PCDH9: variants seen among roughly 807,000 people sequenced by gnomAD.
PCDH9 encodes the protein protocadherin 9.
In PCDH9, 24 loss-of-function variants were observed where a neutral mutation model predicts 70.6. The observed-to-expected ratio is 0.34, with a 90% CI of 0.25 to 0.48. The LOEUF is 0.48. PCDH9 is among the 20% of genes least tolerant of loss of function. The probability of loss-of-function intolerance (pLI) is 0.99; values close to 1 mark genes in which losing one functional copy is unlikely to be tolerated. For missense variants in PCDH9, 1,281 were observed against 1,503.6 expected (o/e 0.85, Z 2.45); for synonymous variants, 562 against 558.5 (o/e 1.01, Z -0.09).
chr13:66,904,853 AAAAT>A (rs1414932207), intron 2 of PCDH9, among the ~76,000 whole-genome samples: 1 of 152,024 alleles, frequency 6.6e-6, no homozygotes, highest in African/African-American at 2.4e-5. Context: ...TTATTTGTTT[AAAAT>A]AAATAGCTAT....
chr13:67,112,129 T>C (rs1468033168), intron 2 of PCDH9, among the ~76,000 whole-genome samples: 3 of 152,222 alleles, frequency 2.0e-5, no homozygotes, highest in African/African-American at 4.8e-5. Context: ...AGGCTCCAAC[T>C]TTCACATGTG....
At chr13:66,709,487 C>A (rs529759929) in intron 3 of PCDH9, among the ~76,000 whole-genome samples, 6 of 152,240 alleles carry the variant, frequency 3.9e-5, no homozygotes, top group South Asian at 2.1e-4. Flanking sequence ...AGCCAAATTT[C>A]ATTTCAAGCC....
intron 4 of PCDH9, among the ~76,000 whole-genome samples, chr13:66,404,062 C>T (rs1957235591): frequency 6.6e-6 from 1 of 152,098 alleles, no homozygotes; most frequent in Non-Finnish European, 1.5e-5. Context: ...TGGCAGTGCT[C>T]ATGGGTACGT....
intron 4 of PCDH9, among the ~76,000 whole-genome samples, chr13:66,587,844 A>C (rs2138804801): frequency 6.6e-6 from 1 of 152,272 alleles, no homozygotes; most frequent in East Asian, 1.9e-4. Context: ...TCATGAAACA[A>C]ACTTTCAAAC....
chr13:66,923,278 A>G (rs2082666162), intron 2 of PCDH9, among the ~76,000 whole-genome samples: 1 of 151,624 alleles, frequency 6.6e-6, no homozygotes, highest in African/African-American at 2.4e-5. Context: ...ATAGCTAATT[A>G]TATGCACCAA....
intron 4 of PCDH9, among the ~76,000 whole-genome samples, chr13:66,578,828 C>T (rs925271957): frequency 6.6e-6 from 1 of 152,028 alleles, no homozygotes; most frequent in African/African-American, 2.4e-5. Flanking sequence ...TTTTGGGAGC[C>T]AACTGAGTTC....
intron 2 of PCDH9, among the ~76,000 whole-genome samples, chr13:67,028,585 T>TA (rs1215094920): frequency 6.6e-6 from 1 of 150,860 alleles, no homozygotes; most frequent in African/African-American, 2.4e-5. Context: ...AAAATAAAAA[T>TA]AAAAAAATAA....
chr13:66,925,741 T>C (rs1329776738), intron 2 of PCDH9, among the ~76,000 whole-genome samples: 1 of 152,008 alleles, frequency 6.6e-6, no homozygotes, highest in Admixed American at 6.6e-5. Context: ...AATATAATAA[T>C]ATGTAATAAA....
At chr13:66,344,241 C>A (rs1956178147) in intron 4 of PCDH9, among the ~76,000 whole-genome samples, 1 of 152,094 alleles carries the variant, frequency 6.6e-6, no homozygotes, top group Admixed American at 6.5e-5. Context: ...CTCCCAGGTT[C>A]AAGTGATTCT....
intron 3 of PCDH9, among the ~76,000 whole-genome samples, chr13:66,853,039 A>G (rs995688677): frequency 2.0e-5 from 3 of 152,016 alleles, no homozygotes; most frequent in African/African-American, 7.2e-5. Context: ...ACAGCACTAA[A>G]TACTCTAATT....
At chr13:66,355,303 CGCATACTGG>C in intron 4 of PCDH9, among the ~76,000 whole-genome samples, 1 of 151,950 alleles carries the variant, frequency 6.6e-6, no homozygotes, top group African/African-American at 2.4e-5. Flanking sequence ...CACAGACATG[CGCATACTGG>C]GTGCAACAGA....
intron 3 of PCDH9, among the ~76,000 whole-genome samples, chr13:66,696,783 CTTT>C (rs34598874): frequency 0.48 from 60,206 of 126,090 alleles, 15,527 homozygotes; most frequent in Admixed American, 0.64. Context: ...TTCAGGCAAA[CTTT>C]TTTTTTTTTT....
At chr13:66,342,072 C>G (rs1158934776) in intron 4 of PCDH9, among the ~76,000 whole-genome samples, 1 of 152,150 alleles carries the variant, frequency 6.6e-6, no homozygotes, top group South Asian at 2.1e-4. Flanking sequence ...AGAAACTTGA[C>G]ATCATTATTT....
chr13:66,782,570 A>C lies in PCDH9; in HGVS notation c.3138+120934T>G, dbSNP rs886546250. 45 of 152,312 alleles carry C rather than the reference A, an allele frequency of 3.0e-4. 1 individual carries two copies. The highest frequency in any genetic ancestry group is 1.0e-3 in the African/African-American group (43 of 41,580). The allele number at this position is 152,312 out of a possible 1,614,324, so 9.4% of individuals were successfully genotyped here. On this transcript the variant is annotated intron_variant, in intron 3 of 4. Transcript: ENST00000377865. ...ACAATGTCATTGATATTTTTGCAGC[A>C]ATTTCCTGAAGAAGTGATGTTTTAG...
Position 66,703,207 on chromosome 13 carries a change from C to G in PCDH9, c.3139-71796G>C, listed in dbSNP as rs115810847. On this transcript the variant is annotated intron_variant, in intron 3 of 4. Coordinates refer to ENST00000377865, the MANE Select transcript of PCDH9 (RefSeq NM_203487.3). ...CATCACGCAATGTATTGTATTATCA[C>G]TGCTGTTTTCCTTTAAATATTTATC... 5.3e-3 allele frequency among the ~76,000 whole-genome samples: 659 copies of G among 125,030 alleles called. 5 individuals carry two copies. The highest frequency in any genetic ancestry group is 0.018 in the African/African-American group (588 of 33,586). 82.0% of individuals were successfully genotyped at this position (125,030 alleles called of 152,430 possible). A position where few individuals can be genotyped will look rare whatever the true frequency, so the allele number is the denominator to read the frequency against.
intron 3 of PCDH9, among the ~76,000 whole-genome samples, chr13:66,699,111 A>G (rs1420525691): frequency 6.6e-6 from 1 of 151,552 alleles, no homozygotes; most frequent in African/African-American, 2.4e-5. Context: ...AAGGGATTTC[A>G]CCATATTGGC....
intron 4 of PCDH9, among the ~76,000 whole-genome samples, chr13:66,540,173 C>T (rs549025031): frequency 2.9e-4 from 44 of 151,990 alleles, no homozygotes; most frequent in Middle Eastern, 3.4e-3. Flanking sequence ...TTGTTCCTGG[C>T]AAAGTTTAGA....
chr13:67,070,979 A>G (rs2085750092), intron 2 of PCDH9, among the ~76,000 whole-genome samples: 1 of 152,122 alleles, frequency 6.6e-6, no homozygotes, highest in South Asian at 2.1e-4. Context: ...ATTTTGACAA[A>G]ATGCCATTCT....
chr13:66,494,760 A>G (rs1232491540), intron 4 of PCDH9, among the ~76,000 whole-genome samples: 1 of 152,164 alleles, frequency 6.6e-6, no homozygotes, highest in African/African-American at 2.4e-5. Context: ...CAAAATATCC[A>G]TTACATTAAA....
Sources: gnomAD v4.1 joint callset for allele counts (sites outside exome capture counted in the v4.1 genomes callset) on GRCh38, gnomAD v4.1.1 for gene constraint, MANE v1.5 for transcripts, NCBI Gene and HGNC (gene_info 2026-07-23, HGNC 2026-07-21) for gene names.